CLEC4A: variants seen among roughly 807,000 people sequenced by gnomAD.
CLEC4A encodes the protein C-type lectin domain family 4 member A, also known as C-type (calcium dependent, carbohydrate-recognition domain) lectin, superfamily member 6.
CLEC4A carries 27 observed loss-of-function variants against 32.7 expected under a neutral mutation model. That is an observed-to-expected ratio of 0.83 (90% CI 0.61 to 1.14). The LOEUF (loss-of-function observed/expected upper bound fraction) is 1.14, where lower values mean the gene tolerates loss of function less well. Among genes scored for constraint, CLEC4A ranks in the 50% most tolerant of loss-of-function variants. The probability of loss-of-function intolerance (pLI) is 0.00; values close to 1 mark genes in which losing one functional copy is unlikely to be tolerated. For synonymous variants in CLEC4A, 89 were observed against 93.7 expected, an observed-to-expected ratio of 0.95 and a Z score of 0.29; for missense variants, 253 against 274.6, an observed-to-expected ratio of 0.92 and a Z score of 0.55.
chr12:8,117,640 G>A, the CLEC4A span, among the ~76,000 whole-genome samples: 340 of 152,250 alleles, frequency 2.2e-3, no homozygotes, highest in African/African-American at 7.3e-3. Context: ...GGACTACCAA[G>A]TCCCATCTGT....
intron 3 of CLEC4A, among the ~76,000 whole-genome samples, chr12:8,130,394 A>G (rs952778244): frequency 2.0e-5 from 3 of 152,044 alleles, no homozygotes; most frequent in Non-Finnish European, 4.4e-5. Flanking sequence ...TATTTTTGAG[A>G]TAGGATCTCA....
intron 3 of CLEC4A, among the ~76,000 whole-genome samples, chr12:8,131,137 T>C (rs1313872998): frequency 1.3e-5 from 2 of 152,242 alleles, no homozygotes; most frequent in Non-Finnish European, 2.9e-5. Context: ...TGTAAAATGC[T>C]ATTTTCATTA....
the CLEC4A span, among the ~76,000 whole-genome samples, chr12:8,116,214 G>A: frequency 2.0e-5 from 3 of 152,104 alleles, no homozygotes; most frequent in South Asian, 6.2e-4. Context: ...CACCTGTCTC[G>A]GCCTCCCAGA....
At chr12:8,135,924 C>T (rs995892317) in intron 4 of CLEC4A, among the ~76,000 whole-genome samples, 188 bp downstream of exon 4, 2 of 152,138 alleles carry the variant, frequency 1.3e-5, no homozygotes, top group African/African-American at 2.4e-5. Flanking sequence ...AAACTAACCT[C>T]CCCGGAAGAA....
chr12:8,135,483 C>A, intron 3 of CLEC4A, 102 bp from the exon 4 acceptor site: 2 of 1,252,040 alleles, frequency 1.6e-6, no homozygotes, highest in Non-Finnish European at 1.1e-6. Flanking sequence ...GAGGGGAGTT[C>A]CAGCTTCCAT....
the CLEC4A span, among the ~76,000 whole-genome samples, chr12:8,103,392 T>TTTG: frequency 8.0e-6 from 1 of 124,306 alleles, no homozygotes; most frequent in African/African-American, 3.0e-5. Context: ...TTTTTTTTTT[T>TTTG]TTTTTTTTTT....
chr12:8,108,029 A>G, the CLEC4A span, among the ~76,000 whole-genome samples: 19 of 152,302 alleles, frequency 1.2e-4, no homozygotes, highest in East Asian at 3.7e-3. Flanking sequence ...ATGTAGCACT[A>G]TAAATTTCCC....
At chr12:8,114,657 A>C in the CLEC4A span, among the ~76,000 whole-genome samples, 7 of 152,142 alleles carry the variant, frequency 4.6e-5, no homozygotes, top group Admixed American at 2.0e-4. Flanking sequence ...AACTCTTTCT[A>C]GTTTACCTTT....
At chr12:8,110,695 T>G in the CLEC4A span, among the ~76,000 whole-genome samples, 82,426 of 151,950 alleles carry the variant, frequency 0.54, 25,256 homozygotes, top group Non-Finnish European at 0.7. Context: ...GGTTTTTAAA[T>G]TAGGAATCAT....
the CLEC4A span, among the ~76,000 whole-genome samples, chr12:8,109,044 TCA>T: frequency 1.3e-5 from 2 of 152,210 alleles, no homozygotes; most frequent in African/African-American, 2.4e-5. Context: ...AGGAATTTGC[TCA>T]GACTCCTGGT....
chr12:8,126,714 A>T (rs1565403139), intron 2 of CLEC4A, among the ~76,000 whole-genome samples: 1 of 152,150 alleles, frequency 6.6e-6, no homozygotes, highest in Non-Finnish European at 1.5e-5. Context: ...ATAACATTGT[A>T]TGGTAAGTGT....
At chr12:8,103,371 C>CTTTTTTTTTTTTT in the CLEC4A span, among the ~76,000 whole-genome samples, 1 of 49,032 alleles carries the variant, frequency 2.0e-5, no homozygotes, top group South Asian at 6.9e-4. Context: ...TTGTTTCTTT[C>CTTTTTTTTTTTTT]TGTTGTTTTT....
At chr12:8,103,405 T>C in the CLEC4A span, among the ~76,000 whole-genome samples, 158 of 98,766 alleles carry the variant, frequency 1.6e-3, 2 homozygotes, top group African/African-American at 5.0e-3. Context: ...TTTTTTTTTT[T>C]AGACGGAGTC....
chr12:8,117,277 T>G, the CLEC4A span, among the ~76,000 whole-genome samples: 1 of 151,630 alleles, frequency 6.6e-6, no homozygotes, highest in South Asian at 2.1e-4. Context: ...ATCTCTCTGT[T>G]GCGCAGGCTG....
chr12:8,134,997 A>ATTTT (rs1565406397), intron 3 of CLEC4A: 1 of 42,502 alleles, frequency 2.4e-5, no homozygotes, highest in African/African-American at 1.8e-4. Context: ...TTTTTTTTTA[A>ATTTT]TCATGGCTGC....
At chr12:8,122,245 C>T (rs1947837978), upstream of CLEC4A, among the ~76,000 whole-genome samples, 1 of 151,494 alleles carries the variant, frequency 6.6e-6, no homozygotes, top group Non-Finnish European at 1.5e-5. Context: ...GGTAGGATAG[C>T]CCGGTGAGGA....
At chr12:8,107,670 A>G in the CLEC4A span, among the ~76,000 whole-genome samples, 1 of 151,642 alleles carries the variant, frequency 6.6e-6, no homozygotes, top group African/African-American at 2.4e-5. Flanking sequence ...GTTTGTGTGC[A>G]TAGAGGTGTT....
At chr12:8,112,971 T>C in the CLEC4A span, among the ~76,000 whole-genome samples, 1 of 152,070 alleles carries the variant, frequency 6.6e-6, no homozygotes, top group African/African-American at 2.4e-5. Context: ...CATTTTTTTT[T>C]ATTTTATTAT....
chr12:8,133,931 C>T (rs1166172515), intron 3 of CLEC4A: 142 of 1,604,228 alleles, frequency 8.9e-5, no homozygotes, highest in Non-Finnish European at 1.7e-6. Context: ...GGACACTGGT[C>T]CCCCTGAGAA....
Sources: gnomAD v4.1 joint callset for allele counts (sites outside exome capture counted in the v4.1 genomes callset) on GRCh38, gnomAD v4.1.1 for gene constraint, MANE v1.5 for transcripts, NCBI Gene and HGNC (gene_info 2026-07-23, HGNC 2026-07-21) for gene names.